Variants in CNTNAP2 observed in about 807,000 individuals in gnomAD.
CNTNAP2 encodes the protein contactin-associated protein-like 2.
In CNTNAP2, 98 loss-of-function variants were observed where a neutral mutation model predicts 155.2. The ratio of observed to expected loss-of-function variants is 0.63; its 90% confidence interval spans 0.54 to 0.75. CNTNAP2 has a LOEUF of 0.75. Ranked by LOEUF, CNTNAP2 falls within the 30% of genes least tolerant of loss-of-function variation. The pLI is 0.00. For missense variants in CNTNAP2, 1,727 were observed against 1,688.1 expected (o/e 1.02, Z -0.40); for synonymous variants, 651 against 631.2 (o/e 1.03, Z -0.47).
chr7:146,735,423 C>CG (rs1801595999), intron 1 of CNTNAP2, among the ~76,000 whole-genome samples: 1 of 151,946 alleles, frequency 6.6e-6, no homozygotes, highest in African/African-American at 2.4e-5. Flanking sequence ...GGCGTTGTGG[C>CG]GGGGGCCTGT....
chr7:147,484,251 C>T (rs1411326581), intron 10 of CNTNAP2, among the ~76,000 whole-genome samples: 1 of 152,070 alleles, frequency 6.6e-6, no homozygotes, highest in Admixed American at 6.5e-5. Context: ...TTTTCCATCC[C>T]TCATGATAAT....
intron 1 of CNTNAP2, among the ~76,000 whole-genome samples, chr7:146,567,686 T>G (rs1798378232): frequency 6.6e-6 from 1 of 152,224 alleles, no homozygotes; most frequent in South Asian, 2.1e-4. Flanking sequence ...CCATGTGGTT[T>G]AAAACTTAGC....
At chr7:148,393,214 A>G (rs761453785) in intron 22 of CNTNAP2, among the ~76,000 whole-genome samples, 5 of 152,180 alleles carry the variant, frequency 3.3e-5, no homozygotes, top group Non-Finnish European at 7.4e-5. Context: ...TCCTGCTCTT[A>G]TAATTACATC....
At chr7:147,112,822 C>T (rs548924638) in intron 5 of CNTNAP2, among the ~76,000 whole-genome samples, 5 of 151,502 alleles carry the variant, frequency 3.3e-5, no homozygotes, top group Admixed American at 1.3e-4. Context: ...AATATTTGCC[C>T]GAAGTTTTGT....
At chr7:148,080,470 G>T (rs1021535447) in intron 15 of CNTNAP2, among the ~76,000 whole-genome samples, 1 of 151,770 alleles carries the variant, frequency 6.6e-6, no homozygotes, top group Non-Finnish European at 1.5e-5. Flanking sequence ...GCCTGGCGTG[G>T]TGGCGGCGCC....
At chr7:148,036,058 A>G (rs2116470272) in intron 15 of CNTNAP2, among the ~76,000 whole-genome samples, 1 of 152,272 alleles carries the variant, frequency 6.6e-6, no homozygotes, top group East Asian at 1.9e-4. Flanking sequence ...CTAGGATTAT[A>G]TTTTGGAAGC....
intron 3 of CNTNAP2, among the ~76,000 whole-genome samples, chr7:146,847,868 C>T (rs1341317108): frequency 1.3e-5 from 2 of 152,042 alleles, no homozygotes. Context: ...TTTAATGAAA[C>T]TTCAGTGAAA....
chr7:147,866,761 G>GT (rs149520147), intron 13 of CNTNAP2, among the ~76,000 whole-genome samples: 89,451 of 149,250 alleles, frequency 0.6, 26,832 homozygotes, highest in South Asian at 0.7. Flanking sequence ...TTTTTTTTTT[G>GT]TTTTTTGTTG....
chr7:147,955,581 T>C (rs764399450), intron 14 of CNTNAP2, among the ~76,000 whole-genome samples: 5 of 152,168 alleles, frequency 3.3e-5, no homozygotes, highest in Non-Finnish European at 7.3e-5. Flanking sequence ...TGGCCACATT[T>C]AGAGAATTTC....
intron 12 of CNTNAP2, among the ~76,000 whole-genome samples, chr7:147,567,504 C>T (rs1396599875): frequency 1.3e-5 from 2 of 152,014 alleles, no homozygotes; most frequent in South Asian, 2.1e-4. Flanking sequence ...CGAAAGCCCC[C>T]GTAGTAATGC....
intron 1 of CNTNAP2, among the ~76,000 whole-genome samples, chr7:146,738,310 T>G (rs1353981873): frequency 1.3e-5 from 2 of 152,068 alleles, no homozygotes; most frequent in Non-Finnish European, 2.9e-5. Flanking sequence ...TTCTATGCTT[T>G]CTTTTGAGAA....
At chr7:147,772,491 C>CACACAA (rs1270866097) in intron 13 of CNTNAP2, among the ~76,000 whole-genome samples, 1 of 105,714 alleles carries the variant, frequency 9.5e-6, no homozygotes, top group African/African-American at 3.8e-5. Context: ...TATACACACA[C>CACACAA]AAAAAAAAAA....
intron 1 of CNTNAP2, among the ~76,000 whole-genome samples, chr7:146,555,414 A>T (rs1428992093): frequency 6.6e-6 from 1 of 152,130 alleles, no homozygotes; most frequent in African/African-American, 2.4e-5. Flanking sequence ...TCATCTATTT[A>T]CTGAATTATA....
chr7:147,430,168 A>AT (rs1797441629), intron 10 of CNTNAP2, among the ~76,000 whole-genome samples: 1 of 152,146 alleles, frequency 6.6e-6, no homozygotes, highest in East Asian at 1.9e-4. Context: ...TTCTCATCCC[A>AT]TTTTCCCTCT....
At chr7:147,338,577 A>G (rs922016841) in intron 9 of CNTNAP2, among the ~76,000 whole-genome samples, 1 of 152,148 alleles carries the variant, frequency 6.6e-6, no homozygotes, top group Admixed American at 6.5e-5. Flanking sequence ...ATTAAAGCCT[A>G]TTAGATCACC....
At chr7:147,311,528 G>C (rs1317155494) in intron 9 of CNTNAP2, among the ~76,000 whole-genome samples, 1 of 152,124 alleles carries the variant, frequency 6.6e-6, no homozygotes, top group Non-Finnish European at 1.5e-5. Flanking sequence ...CAGCTGGTAA[G>C]CATCTGTGGA....
chr7:147,065,487 T>G (rs1467493372), intron 4 of CNTNAP2, among the ~76,000 whole-genome samples: 7 of 152,188 alleles, frequency 4.6e-5, no homozygotes, highest in Non-Finnish European at 8.8e-5. Context: ...ACTCTCATAT[T>G]TAAACACCAG....
At chr7:147,796,664 G>A (rs1038824145) in intron 13 of CNTNAP2, among the ~76,000 whole-genome samples, 10 of 151,896 alleles carry the variant, frequency 6.6e-5, no homozygotes, top group East Asian at 3.9e-4. Context: ...AATTGAATAC[G>A]CATAAAACAC....
intron 1 of CNTNAP2, among the ~76,000 whole-genome samples, chr7:146,475,253 C>T (rs933445006): frequency 2.0e-5 from 3 of 152,036 alleles, no homozygotes; most frequent in Admixed American, 6.5e-5. Flanking sequence ...TAACAGGTCA[C>T]CTGGCAATGC....
Sources: allele counts gnomAD v4.1 joint callset (sites outside exome capture counted in the v4.1 genomes callset), GRCh38; gene constraint gnomAD v4.1.1; transcripts MANE v1.5; gene names NCBI Gene and HGNC (gene_info 2026-07-23, HGNC 2026-07-21).